Variants in SYCP1 observed in about 807,000 individuals in gnomAD.
The protein encoded by SYCP1 is synaptonemal complex protein 1.
SYCP1 carries 64 observed loss-of-function variants against 153.1 expected under a neutral mutation model. That is an observed-to-expected ratio of 0.42 (90% confidence interval 0.34 to 0.51). SYCP1 has a LOEUF of 0.51. Among genes scored for constraint, SYCP1 ranks in the 20% least tolerant of loss-of-function variants. The pLI, the probability that SYCP1 is intolerant of heterozygous loss-of-function variation, is 0.06. For missense variants in SYCP1, 997 were observed against 1,049.0 expected (o/e 0.95, Z 0.68); for synonymous variants, 384 against 341.8 (o/e 1.12, Z -1.36).
At chr1:114,948,468 A>G (rs2101835974) in intron 27 of SYCP1, among the ~76,000 whole-genome samples, 1 of 152,310 alleles carries the variant, frequency 6.6e-6, no homozygotes, top group East Asian at 1.9e-4. Flanking sequence ...CTTAGGTAAC[A>G]TACACTTTCA....
At chr1:114,937,424 C>T (rs1358520771) in intron 23 of SYCP1, among the ~76,000 whole-genome samples, 14 of 152,156 alleles carry the variant, frequency 9.2e-5, no homozygotes, top group African/African-American at 1.7e-4. Context: ...AAATGTTAGA[C>T]CTAAAATCAT....
chr1:114,939,764 C>T (rs1325186383), intron 23 of SYCP1, among the ~76,000 whole-genome samples: 2 of 152,052 alleles, frequency 1.3e-5, no homozygotes, highest in East Asian at 1.9e-4. Flanking sequence ...TAAAACCATG[C>T]GTTTTATTAT....
chr1:114,860,807 A>T lies in SYCP1; in HGVS notation c.596A>T (p.Lys199Ile). ...TCARSAEKTK[K>I]YEYEREETRQ... ...GCTAGATCTGCAGAAAAGACAAAGAAATGTAAATATCTTTCTTGTTTTATG... is the reference window on the plus strand; with the variant it reads ...GCTAGATCTGCAGAAAAGACAAAGATATGTAAATATCTTTCTTGTTTTATG... Residue 199 changes from lysine (K) to isoleucine (I), a missense_variant and splice_region_variant, in exon 8 of 32, where the codon AAA (lysine) becomes ATA (isoleucine). Lys to Ile is a moderately radical substitution (Grantham distance 102). Around this residue, in one of 2 missense-constraint regions of SYCP1, gnomAD observed 285 missense variants for 366.1 expected, o/e 0.78. Transcript: ENST00000369522. The T allele has an allele frequency of 6.3e-7, 1 of 1,575,862 alleles. No individual in the cohort carries two copies. The highest frequency in any genetic ancestry group is 8.6e-7 in the Non-Finnish European group (1 of 1,159,236).
At chr1:114,877,158 CA>C (rs1665599723) in intron 11 of SYCP1, among the ~76,000 whole-genome samples, 1 of 152,058 alleles carries the variant, frequency 6.6e-6, no homozygotes, top group Admixed American at 6.6e-5. Flanking sequence ...TTACATTTTG[CA>C]GTTTGTTTTG....
chr1:114,963,169 G>A (rs1480357993), intron 27 of SYCP1, among the ~76,000 whole-genome samples: 1 of 152,110 alleles, frequency 6.6e-6, no homozygotes, highest in Non-Finnish European at 1.5e-5. Flanking sequence ...CTTTTGCGAT[G>A]AATTTCCTGG....
chr1:114,910,590 G>C (rs974338397), intron 17 of SYCP1, 89 bp downstream of exon 17: 7 of 814,726 alleles, frequency 8.6e-6, no homozygotes, highest in Non-Finnish European at 1.2e-5. Context: ...TTTTGTTAAA[G>C]ATTTCTTCAC....
chr1:114,860,830 A>G (rs113889157), intron 8 of SYCP1, 21 bp downstream of exon 8: 1 of 1,529,608 alleles, frequency 6.5e-7, no homozygotes. Context: ...TTCTTGTTTT[A>G]TGTGATTTTA....
intron 30 of SYCP1, among the ~76,000 whole-genome samples, chr1:114,987,362 A>T (rs1264519924): frequency 1.3e-5 from 2 of 152,028 alleles, no homozygotes; most frequent in Non-Finnish European, 2.9e-5. Flanking sequence ...ATAATATTCA[A>T]ATGTCCAGTT....
chr1:114,994,439 T>C (rs915825533), intron 30 of SYCP1, among the ~76,000 whole-genome samples: 2 of 151,454 alleles, frequency 1.3e-5, no homozygotes, highest in African/African-American at 4.8e-5. Flanking sequence ...ACATAGCCTT[T>C]CAGTAATACA....
intron 27 of SYCP1, among the ~76,000 whole-genome samples, chr1:114,956,039 C>G (rs1671412957): frequency 6.6e-6 from 1 of 152,214 alleles, no homozygotes; most frequent in Non-Finnish European, 1.5e-5. Context: ...CCCACTTTAT[C>G]TGAGGTCCCA....
chr1:114,982,144 T>C (rs529802487), intron 29 of SYCP1, among the ~76,000 whole-genome samples: 2 of 152,080 alleles, frequency 1.3e-5, no homozygotes, highest in East Asian at 1.9e-4. Context: ...CCTTTTCCTC[T>C]CCTCAGCTAG....
intron 26 of SYCP1, among the ~76,000 whole-genome samples, chr1:114,946,649 G>A (rs1670726721): frequency 6.6e-6 from 1 of 151,996 alleles, no homozygotes; most frequent in Non-Finnish European, 1.5e-5. Flanking sequence ...AGAGGAGGGT[G>A]GGATAAACTG....
At chr1:114,910,763 G>T (rs1296062363) in intron 17 of SYCP1, among the ~76,000 whole-genome samples, 1 of 151,916 alleles carries the variant, frequency 6.6e-6, no homozygotes, top group Non-Finnish European at 1.5e-5. Context: ...TTGATGTCTT[G>T]AGTATTTTTT....
chr1:114,921,167 C>A (rs1668844093), intron 20 of SYCP1, among the ~76,000 whole-genome samples: 1 of 151,296 alleles, frequency 6.6e-6, no homozygotes, highest in South Asian at 2.1e-4. Flanking sequence ...TTGAAGTTAC[C>A]ATTAGGCTTG....
intron 8 of SYCP1, among the ~76,000 whole-genome samples, chr1:114,862,290 G>T (rs1664431355): frequency 6.6e-6 from 1 of 151,922 alleles, no homozygotes; most frequent in African/African-American, 2.4e-5. Flanking sequence ...TAGTACATTG[G>T]CTGTCTTGCA....
In SYCP1 at chr1:114,925,974, T is replaced by A. The variant is rs187327367; in HGVS notation, c.1801-304T>A. ...TCACATACAAAGATAATTTTTTTTT[T>A]AAAAAAAGAGATACTGAGGCTGAGT... is the stretch of plus-strand genomic sequence containing the variant. On this transcript the variant is annotated intron_variant, in intron 21 of 31. Coordinates refer to ENST00000369522, the MANE Select transcript of SYCP1 (RefSeq NM_003176.4). 1.4e-3 allele frequency among the ~76,000 whole-genome samples: 216 copies of A among 150,644 alleles called. 2 individuals are homozygous for A. The highest frequency in any genetic ancestry group is 4.3e-3 in the African/African-American group (179 of 41,370).
chr1:114,946,292 C>G lies in SYCP1; in HGVS notation c.2158C>G (p.Gln720Glu). 6.4e-7 allele frequency: 1 copy of G among 1,557,318 alleles called. No individual in the cohort carries two copies. Among genetic ancestry groups the G allele is most frequent in the Non-Finnish European group, 8.7e-7 (1 of 1,152,638 alleles). The stretch of plus-strand genomic sequence containing the variant: ...ATGTCTTCTTTGTTTAATATAGCAC[C>G]AATATGATAAGATCATTGAAGAAAG... ...MVALMEKHKH[Q>E]YDKIIEERDS... The change falls in exon 26 of 32, where the codon CAA becomes GAA. Residue 720 changes from glutamine (Q) to glutamate (E), a missense_variant. By Grantham distance (29) the Gln-to-Glu change is conservative. This residue lies in a region of SYCP1 where 712 missense variants were observed against 682.9 expected (regional missense o/e 1.04). Transcript: ENST00000369522.
chr1:114,938,470 C>A (rs1670175734), intron 23 of SYCP1, among the ~76,000 whole-genome samples: 1 of 151,848 alleles, frequency 6.6e-6, no homozygotes, highest in African/African-American at 2.4e-5. Context: ...ACAGGTACAG[C>A]ACACCAACAT....
chr1:114,942,529 G>C (rs1268984323), intron 23 of SYCP1, among the ~76,000 whole-genome samples: 1 of 151,878 alleles, frequency 6.6e-6, no homozygotes, highest in East Asian at 1.9e-4. Context: ...CAAGTCAATT[G>C]AATAAAAGAG....
Sources: allele counts gnomAD v4.1 joint callset (sites outside exome capture counted in the v4.1 genomes callset), GRCh38; gene constraint gnomAD v4.1.1; regional missense constraint gnomAD v4.1.1; transcripts MANE v1.5; gene names NCBI Gene and HGNC (gene_info 2026-07-23, HGNC 2026-07-21).